Variants in OXCT1 observed in about 807,000 individuals in gnomAD.
OXCT1 encodes succinyl-CoA:3-ketoacid coenzyme A transferase 1, mitochondrial.
A neutral mutation model predicts 69.6 loss-of-function variants in OXCT1; 27 were observed. The ratio of observed to expected loss-of-function variants is 0.39; its 90% CI spans 0.29 to 0.54. The LOEUF (loss-of-function observed/expected upper bound fraction) is 0.54, where lower values mean the gene tolerates loss of function less well. OXCT1 is among the 20% of genes least tolerant of loss of function. The probability of loss-of-function intolerance (pLI) is 0.72; values close to 1 mark genes in which losing one functional copy is unlikely to be tolerated. For synonymous variants in OXCT1, 202 were observed against 217.8 expected, an observed-to-expected ratio of 0.93 and a Z score of 0.64; for missense variants, 437 against 650.2, an observed-to-expected ratio of 0.67 and a Z score of 3.57.
intron 8 of OXCT1, among the ~76,000 whole-genome samples, chr5:41,806,161 C>A (rs769579003): frequency 6.6e-6 from 1 of 152,120 alleles, no homozygotes; most frequent in Admixed American, 6.6e-5. Flanking sequence ...ATAGAAATAC[C>A]CAGAAACCAG....
At chr5:41,860,539 G>A (rs1749683411) in intron 3 of OXCT1, among the ~76,000 whole-genome samples, 2 of 152,090 alleles carry the variant, frequency 1.3e-5, no homozygotes, top group South Asian at 4.2e-4. Context: ...GGAAAAATGG[G>A]CACAAAAAAG....
chr5:41,846,844 T>C (rs1231053031), intron 5 of OXCT1, among the ~76,000 whole-genome samples: 1 of 152,192 alleles, frequency 6.6e-6, no homozygotes, highest in Non-Finnish European at 1.5e-5. Flanking sequence ...TGAGATGGTA[T>C]CTCATTGTGG....
At chr5:41,853,316 C>G (rs2112449403) in intron 4 of OXCT1, 103 bp downstream of exon 4, 1 of 1,012,212 alleles carries the variant, frequency 9.9e-7, no homozygotes, top group Non-Finnish European at 1.5e-6. Flanking sequence ...TGGCAAAGTA[C>G]TATTCCTTCT....
At chr5:41,846,025 T>A (rs901645503) in intron 5 of OXCT1, among the ~76,000 whole-genome samples, 4 of 152,212 alleles carry the variant, frequency 2.6e-5, no homozygotes, top group Non-Finnish European at 5.9e-5. Flanking sequence ...AGAACATTAA[T>A]ATTCAGTTTA....
chr5:41,811,234 G>A (rs575442480), intron 7 of OXCT1, among the ~76,000 whole-genome samples: 2 of 152,084 alleles, frequency 1.3e-5, no homozygotes, highest in African/African-American at 2.4e-5. Context: ...AAGACCTCAC[G>A]TTCAATAGAT....
At chr5:41,807,165 T>C (rs971041067) in intron 8 of OXCT1, among the ~76,000 whole-genome samples, 166 bp downstream of exon 8, 1 of 152,020 alleles carries the variant, frequency 6.6e-6, no homozygotes, top group Non-Finnish European at 1.5e-5. Flanking sequence ...CACAGAGGCA[T>C]AGACCATCAT....
intron 7 of OXCT1, among the ~76,000 whole-genome samples, chr5:41,827,266 T>A (rs1015319987): frequency 3.9e-5 from 6 of 152,180 alleles, no homozygotes; most frequent in African/African-American, 1.4e-4. Context: ...TATCCAGAAA[T>A]AAAGCCTCGA....
At chr5:41,849,712 C>T (rs1749090237) in intron 5 of OXCT1, among the ~76,000 whole-genome samples, 1 of 152,284 alleles carries the variant, frequency 6.6e-6, no homozygotes, top group East Asian at 1.9e-4. Flanking sequence ...CTTTATTTTC[C>T]ATATAAGCAT....
intron 13 of OXCT1, among the ~76,000 whole-genome samples, chr5:41,783,700 T>C (rs184613814): frequency 6.6e-6 from 1 of 152,318 alleles, no homozygotes; most frequent in East Asian, 1.9e-4. Context: ...TGGAGAATAT[T>C]TGATTAAATT....
intron 3 of OXCT1, among the ~76,000 whole-genome samples, chr5:41,860,802 TAAGTGCTGGCTGC>T (rs1311606954): frequency 6.6e-6 from 1 of 152,220 alleles, no homozygotes; most frequent in East Asian, 1.9e-4. Flanking sequence ...CCTATTATCT[TAAGTGCTGGCTGC>T]ATATCCACCT....
chr5:41,757,229 C>A (rs1744122484), intron 14 of OXCT1, among the ~76,000 whole-genome samples: 1 of 152,034 alleles, frequency 6.6e-6, no homozygotes, highest in Admixed American at 6.6e-5. Context: ...ACTAGAGGGA[C>A]CTAATTATAA....
intron 13 of OXCT1, among the ~76,000 whole-genome samples, chr5:41,792,576 C>A (rs1239416856): frequency 1.3e-5 from 2 of 152,176 alleles, no homozygotes; most frequent in Admixed American, 1.3e-4. Context: ...TAATATCCTA[C>A]ACAAGTATTT....
At chr5:41,822,155 T>G (rs1449921675) in intron 7 of OXCT1, among the ~76,000 whole-genome samples, 1 of 152,126 alleles carries the variant, frequency 6.6e-6, no homozygotes, top group Non-Finnish European at 1.5e-5. Flanking sequence ...ACGGATCTAG[T>G]AACTGCAGGA....
intron 13 of OXCT1, among the ~76,000 whole-genome samples, chr5:41,778,516 CA>C (rs1745234302): frequency 1.3e-5 from 2 of 152,206 alleles, no homozygotes; most frequent in Non-Finnish European, 2.9e-5. Context: ...GTGAATTTAT[CA>C]AGATGACTCT....
intron 7 of OXCT1, among the ~76,000 whole-genome samples, chr5:41,836,000 C>T (rs994437942): frequency 2.0e-5 from 3 of 152,104 alleles, no homozygotes; most frequent in African/African-American, 7.2e-5. Flanking sequence ...AGGTTATGCA[C>T]ACAGAAGACT....
chr5:41,766,372 T>C (rs969506488), intron 13 of OXCT1, among the ~76,000 whole-genome samples: 6 of 152,058 alleles, frequency 3.9e-5, no homozygotes, highest in South Asian at 2.1e-4. Flanking sequence ...GGCACCAAGA[T>C]AGGAATTAGA....
intron 1 of OXCT1, among the ~76,000 whole-genome samples, chr5:41,867,289 T>C (rs1004635454): frequency 4.6e-5 from 7 of 152,212 alleles, no homozygotes; most frequent in Admixed American, 2.0e-4. Flanking sequence ...TTGTACCAAC[T>C]ATACAAAATA....
chr5:41,774,922 T>A (rs1339104285), intron 13 of OXCT1, among the ~76,000 whole-genome samples: 1 of 151,820 alleles, frequency 6.6e-6, no homozygotes, highest in Non-Finnish European at 1.5e-5. Flanking sequence ...AATAAGTGAA[T>A]AAATAAATAA....
At chr5:41,818,625 C>G (rs1417766158) in intron 7 of OXCT1, among the ~76,000 whole-genome samples, 1 of 152,078 alleles carries the variant, frequency 6.6e-6, no homozygotes, top group East Asian at 1.9e-4. Flanking sequence ...TTGGCAATTA[C>G]CTTTTCTCGC....
Sources: allele counts gnomAD v4.1 joint callset (sites outside exome capture counted in the v4.1 genomes callset), GRCh38; gene constraint gnomAD v4.1.1; transcripts MANE v1.5; gene names NCBI Gene and HGNC (gene_info 2026-07-23, HGNC 2026-07-21).